Variants in PPM1F observed in about 807,000 individuals in gnomAD.
PPM1F encodes the protein protein phosphatase, Mg2+/Mn2+ dependent 1F, also known as protein phosphatase 1F.
A neutral mutation model predicts 35.5 loss-of-function variants in PPM1F; 17 were observed. That is an observed-to-expected ratio of 0.48 (90% CI 0.33 to 0.72). The LOEUF (loss-of-function observed/expected upper bound fraction) is 0.72, where lower values mean the gene tolerates loss of function less well. PPM1F is among the 30% of genes least tolerant of loss of function. The probability of loss-of-function intolerance (pLI) is 0.02; values close to 1 mark genes in which losing one functional copy is unlikely to be tolerated. For missense variants in PPM1F, 521 were observed against 613.0 expected, an observed-to-expected ratio of 0.85 and a Z score of 1.59; for synonymous variants, 241 against 255.5, an observed-to-expected ratio of 0.94 and a Z score of 0.54.
At chr22:21,947,136 G>GTGGCAC (rs148832609) in intron 1 of PPM1F, 18,261 of 152,568 alleles carry the variant, frequency 0.12, 1,180 homozygotes, top group African/African-American at 0.13. Context: ...TCCTCCCAGG[G>GTGGCAC]TGGCTCTGGC....
chr22:21,952,091 G>T (rs1423564663), intron 1 of PPM1F: 1 of 152,364 alleles, frequency 6.6e-6, no homozygotes, highest in Non-Finnish European at 1.5e-5. Context: ...ACCATGCAGT[G>T]GGCCTCACTG....
At position 21,934,139 on chromosome 22, in the gene PPM1F, G is replaced by A; in HGVS notation, c.443C>T (p.Ala148Val). Residue 148 changes from alanine to valine, a missense_variant, in exon 4 of 8, where the codon GCC becomes GTC. Physicochemically the swap from Ala to Val is moderately conservative, Grantham distance 64. Transcript: ENST00000263212. ...CAGCCACTGCCGCTGTGAGGCCCGG[G>A]CAGCCAATGGCACCTGCTTCTGCCA... is the stretch of plus-strand genomic sequence containing the variant. ...GQWQKQVPLA[A>V]RASQRQWLVS... The A allele has an allele frequency of 1.3e-6, 2 of 1,573,838 alleles. No individual in the cohort carries two copies. The highest frequency in any genetic ancestry group is 1.9e-5 in the Admixed American group (1 of 53,734).
intron 3 of PPM1F, chr22:21,937,965 A>C (rs994912798): frequency 1.2e-5 from 8 of 664,138 alleles, no homozygotes; most frequent in Non-Finnish European, 1.7e-5. Flanking sequence ...TACAATCCCC[A>C]CTCTGACGCA....
Position 21,934,240 on chromosome 22 carries a change from T to G in PPM1F, c.356-14A>C. 6.5e-7 allele frequency: 1 copy of G among 1,547,482 alleles called. No homozygotes were observed. Among genetic ancestry groups the G allele is most frequent in the African/African-American group, 1.4e-5 (1 of 73,724 alleles). On this transcript the variant is annotated splice_polypyrimidine_tract_variant and intron_variant, in intron 3 of 7. Transcript: ENST00000263212. ...GGGCATCCAGCACTGATGGGCACAA[T>G]GGAGGGATTGTCAGGGAAGTGCCAA...
rs145717457 is a variant in PPM1F at position 21,929,455 on chromosome 22, G to C, written c.891+1693C>G. ...AAGCGGTGGAGCCGGGACCAGGCAAGGCCATCTGTCCATGCTCTGCCACGA... is the reference window on the plus strand; with the variant it reads ...AAGCGGTGGAGCCGGGACCAGGCAACGCCATCTGTCCATGCTCTGCCACGA... On this transcript the variant is annotated intron_variant, in intron 6 of 7. Transcript: ENST00000263212. Among the ~76,000 whole-genome samples, 894 of 152,304 alleles carry C rather than the reference G, an allele frequency of 5.9e-3. 9 individuals are homozygous for C. Among genetic ancestry groups the C allele is most frequent in the African/African-American group, 0.021 (858 of 41,566 alleles).
intron 3 of PPM1F, 192 bp from the exon 4 acceptor site, chr22:21,934,418 G>A: frequency 3.5e-6 from 2 of 569,662 alleles, no homozygotes; most frequent in Non-Finnish European, 6.2e-6. Flanking sequence ...TTGGCAACTT[G>A]CCCCTTGAAG....
intron 6 of PPM1F, among the ~76,000 whole-genome samples, chr22:21,930,369 A>C (rs906059349): frequency 6.6e-6 from 1 of 152,234 alleles, no homozygotes; most frequent in Admixed American, 6.5e-5. Flanking sequence ...AGATATAGGT[A>C]CACTTGACTC....
At position 21,945,539 on chromosome 22, in the gene PPM1F, G is replaced by A. The variant is rs143509773; in HGVS notation, c.206+304C>T. 4.1e-5 allele frequency: 16 copies of A among 388,424 alleles called. No individual in the cohort carries two copies. In the South Asian group the frequency reaches 5.2e-4, roughly 13 times the overall value. The allele number at this position is 388,424 out of a possible 1,614,324, so 24.1% of individuals were successfully genotyped here. A position where few individuals can be genotyped will look rare whatever the true frequency, so the allele number is the denominator to read the frequency against. ...AGCCAAGGACCTCCAGGAAGTCAAG[G>A]CCAGGCACTAACAGAAAGGCAGACT... On this transcript the variant is annotated intron_variant, in intron 2 of 7. Coordinates refer to ENST00000263212, the MANE Select transcript of PPM1F (RefSeq NM_014634.4).
At chr22:21,927,184 C>A (rs2070526280) in intron 6 of PPM1F, among the ~76,000 whole-genome samples, 1 of 152,118 alleles carries the variant, frequency 6.6e-6, no homozygotes, top group East Asian at 1.9e-4. Flanking sequence ...AAGGGAAAGG[C>A]AAGGAGGACC....
intron 6 of PPM1F, among the ~76,000 whole-genome samples, chr22:21,927,432 G>A (rs1223223757): frequency 6.6e-6 from 1 of 152,204 alleles, no homozygotes; most frequent in Admixed American, 6.5e-5. Flanking sequence ...GGGAGAATGA[G>A]GAGCCTTTCT....
At chr22:21,945,728 G>A (rs919695220) in intron 2 of PPM1F, 115 bp downstream of exon 2, 12 of 1,089,978 alleles carry the variant, frequency 1.1e-5, no homozygotes, top group Middle Eastern at 3.0e-4. Flanking sequence ...ATAGGGATCC[G>A]GGGCTGCAGA....
Position 21,931,195 on chromosome 22 carries a change from G to T in PPM1F, c.844C>A (p.Gln282Lys), listed in dbSNP as rs754086706. 6.2e-7 allele frequency: 1 copy of T among 1,614,180 alleles called. No homozygotes were observed. The highest frequency in any genetic ancestry group is 1.6e-4 in the Middle Eastern group (1 of 6,062). ...TCCATCAGCTTCACCACCTGTCCCTGCTGTACCAAAATGACCTGGGAATCC... is the reference window on the plus strand; with the variant it reads ...TCCATCAGCTTCACCACCTGTCCCTTCTGTACCAAAATGACCTGGGAATCC... ...LGDSQVILVQ[Q>K]GQVVKLMEPH... The change falls in exon 6 of 8, where the codon CAG becomes AAG. Residue 282 changes from glutamine (Q) to lysine (K), a missense_variant. Physicochemically the swap from Gln to Lys is moderately conservative, Grantham distance 53. Coordinates refer to ENST00000263212, the MANE Select transcript of PPM1F (RefSeq NM_014634.4).
chr22:21,922,902 C>T lies in PPM1F; in HGVS notation c.*190G>A, dbSNP rs779495750. 8.4e-6 allele frequency: 6 copies of T among 711,940 alleles called. No individual in the cohort carries two copies. Among genetic ancestry groups the T allele is most frequent in the Non-Finnish European group, 1.4e-5 (6 of 428,932 alleles). The allele number at this position is 711,940 out of a possible 1,614,324, so 44.1% of individuals were successfully genotyped here. A position where few individuals can be genotyped will look rare whatever the true frequency, so the allele number is the denominator to read the frequency against. ...CCTAAGCTGCCTTCCACCATCTGCC[C>T]GCCACCCAGTGCAGTTCCACAGCCA... On this transcript the variant is annotated 3_prime_UTR_variant, in exon 8 of 8. Coordinates refer to ENST00000263212, the MANE Select transcript of PPM1F (RefSeq NM_014634.4).
intron 1 of PPM1F, chr22:21,951,402 C>G (rs1212435472): frequency 2.9e-5 from 4 of 136,396 alleles, no homozygotes; most frequent in Non-Finnish European, 6.1e-5. Context: ...GTTGCCCAGG[C>G]TGGAGTGCAA....
chr22:21,925,572 T>G lies in PPM1F; in HGVS notation c.982A>C (p.Ile328Leu). ...GGTCGGCCTCTTTGGCTCTCACCGA[T>G]GGCTCTGGAGACGGCCAGGGTCCCG... Reference protein sequence around the residue: ...VNGTLAVSRAIGDVFQKPYVS... With the variant: ...VNGTLAVSRALGDVFQKPYVS... The change falls in exon 7 of 8, where the codon ATC becomes CTC. Residue 328 changes from isoleucine (I) to leucine (L), a missense_variant. Coordinates refer to ENST00000263212, the MANE Select transcript of PPM1F (RefSeq NM_014634.4). The G allele has an allele frequency of 6.2e-7, 1 of 1,613,924 alleles. No individual in the cohort carries two copies. Among genetic ancestry groups the G allele is most frequent in the Non-Finnish European group, 8.5e-7 (1 of 1,179,876 alleles).
chr22:21,929,188 T>C (rs2070557859), intron 6 of PPM1F, among the ~76,000 whole-genome samples: 2 of 152,128 alleles, frequency 1.3e-5, no homozygotes, highest in African/African-American at 2.4e-5. Flanking sequence ...TGATTAATTC[T>C]CTAGGGTGGA....
In PPM1F at chr22:21,939,428, C is replaced by T. The variant is rs2070699304; in HGVS notation, c.355+104G>A. 1 of 1,473,836 alleles carries T rather than the reference C, an allele frequency of 6.8e-7. No individual in the cohort carries two copies. Among genetic ancestry groups the T allele is most frequent in the African/African-American group, 1.4e-5 (1 of 71,480 alleles). The allele number at this position is 1,473,836 out of a possible 1,614,324, so 91.3% of individuals were successfully genotyped here. A position where few individuals can be genotyped will look rare whatever the true frequency, so the allele number is the denominator to read the frequency against. ...TTCTGCTGCCGTTGTGAGCGAGGGC[C>T]CCAGCACCCTTAGGGACCCCAATCA... On this transcript the variant is annotated intron_variant, in intron 3 of 7. Coordinates refer to ENST00000263212, the MANE Select transcript of PPM1F (RefSeq NM_014634.4). This position sits in a 1 kb window ranked among gnomAD's most constrained non-coding sequence, Gnocchi z 5.1.
chr22:21,931,880 T>G (rs892159245), intron 5 of PPM1F, among the ~76,000 whole-genome samples: 1 of 151,970 alleles, frequency 6.6e-6, no homozygotes, highest in Non-Finnish European at 1.5e-5. Flanking sequence ...TGGCACAGTC[T>G]CAGCTCACTG....
intron 6 of PPM1F, among the ~76,000 whole-genome samples, chr22:21,930,631 T>C (rs572908825): frequency 6.6e-6 from 1 of 152,190 alleles, no homozygotes; most frequent in Non-Finnish European, 1.5e-5. Context: ...CCATGATATC[T>C]GAATGCTCGC....
Sources: gnomAD v4.1 joint callset for allele counts (sites outside exome capture counted in the v4.1 genomes callset) on GRCh38, gnomAD v4.1.1 for gene constraint, Gnocchi (gnomAD v3.1) non-coding constraint, MANE v1.5 for transcripts, NCBI Gene and HGNC (gene_info 2026-07-23, HGNC 2026-07-21) for gene names.